The following DPYSL2 variants were observed in gnomAD, a reference collection of about 807,000 sequenced individuals.
The protein encoded by DPYSL2 is dihydropyrimidinase like 2.
DPYSL2 carries 13 observed loss-of-function variants against 69.9 expected under a neutral mutation model. The ratio of observed to expected loss-of-function variants is 0.19; its 90% CI spans 0.12 to 0.30. DPYSL2 has a LOEUF of 0.30. DPYSL2 is among the 10% of genes least tolerant of loss of function. The pLI is 1.00. For missense variants in DPYSL2, 587 were observed against 918.9 expected, an observed-to-expected ratio of 0.64 and a Z score of 4.67; for synonymous variants, 326 against 359.1, an observed-to-expected ratio of 0.91 and a Z score of 1.04.
chr8:26,655,623 A>G lies in DPYSL2; in HGVS notation c.1951A>G (p.Ile651Val), dbSNP rs764273577. Residue 651 changes from isoleucine (I) to valine (V), a missense_variant, in exon 14 of 14, where the codon ATT becomes GTT. Transcript: ENST00000521913. ...TTCTCCTCTCCCTCCAGGTGCTCAG[A>G]TTGATGACAACATTCCCCGCCGCAC... ...QSGFSLSGAQ[I>V]DDNIPRRTTQ... 2 of 1,608,460 alleles carry G rather than the reference A, an allele frequency of 1.2e-6. No homozygotes were observed. The highest frequency in any genetic ancestry group is 1.7e-6 in the Non-Finnish European group (2 of 1,177,228).
In DPYSL2 at chr8:26,582,104, C is replaced by G; in HGVS notation, c.443+47C>G. The stretch of plus-strand genomic sequence containing the variant: ...CAGATGTATTTGAACACTTTCCAGA[C>G]TTCCCAAGTATTAGATACCATTCGC... On this transcript the variant is annotated intron_variant, in intron 2 of 13. Transcript: ENST00000521913. This position sits in a 1 kb window ranked among gnomAD's most constrained non-coding sequence, Gnocchi z 4.1. The G allele has an allele frequency of 1.3e-6, 2 of 1,489,158 alleles. No homozygotes were observed. The highest frequency in any genetic ancestry group is 1.9e-6 in the Non-Finnish European group (2 of 1,070,578). The allele number at this position is 1,489,158 out of a possible 1,614,324, so 92.2% of individuals were successfully genotyped here. A position where few individuals can be genotyped will look rare whatever the true frequency, so the allele number is the denominator to read the frequency against.
chr8:26,577,901 T>C, intron 1 of DPYSL2: 5 of 1,148,658 alleles, frequency 4.4e-6, no homozygotes, highest in Non-Finnish European at 5.4e-6. Context: ...AGGGAGTGGC[T>C]GGCGGCGCAT....
rs373680428 is a variant in DPYSL2, at chr8:26,642,650, G to A, written c.1127-789G>A. ...AGGCACTAAGGTATTGGCATTCAGC[G>A]AATGTACATGAGTCTCAACTTTCTG... is the stretch of plus-strand genomic sequence containing the variant. On this transcript the variant is annotated intron_variant, in intron 8 of 13. Transcript: ENST00000521913. This position sits in a 1 kb window ranked among gnomAD's most constrained non-coding sequence, Gnocchi z 5.3. Among the ~76,000 whole-genome samples, 11 of 152,322 alleles carry A rather than the reference G, an allele frequency of 7.2e-5. No individual in the cohort carries two copies. The East Asian group carries it at 1.7e-3, about 24-fold the overall frequency.
chr8:26,589,355 C>CAAGG (rs1292881891), intron 3 of DPYSL2, among the ~76,000 whole-genome samples: 1 of 152,256 alleles, frequency 6.6e-6, no homozygotes, highest in Non-Finnish European at 1.5e-5. Context: ...GTGGTTCAAT[C>CAAGG]AAGGCCCCTC....
chr8:26,628,239 G>A (rs1802664443), intron 7 of DPYSL2, among the ~76,000 whole-genome samples: 1 of 152,232 alleles, frequency 6.6e-6, no homozygotes, highest in Admixed American at 6.5e-5. Flanking sequence ...ATCCTGCAAT[G>A]TAGATTTTAG....
rs932138578 is a variant in DPYSL2 at position 26,653,176 on chromosome 8, A to G, written c.1777-56A>G. 4.4e-6 allele frequency: 7 copies of G among 1,578,944 alleles called. No homozygotes were observed. The African/African-American group carries it at 8.1e-5, about 18-fold the overall frequency. ...CCATCCTCCCTCCAGGAGGGTTTCTAGAGAGGTATCCTCTGTGGCTGTGGC... is the reference window on the plus strand; with the variant it reads ...CCATCCTCCCTCCAGGAGGGTTTCTGGAGAGGTATCCTCTGTGGCTGTGGC... On this transcript the variant is annotated intron_variant, in intron 12 of 13. Coordinates refer to ENST00000521913, the MANE Select transcript of DPYSL2 (RefSeq NM_001197293.3). This position sits in a 1 kb window ranked among gnomAD's most constrained non-coding sequence, Gnocchi z 5.7.
At chr8:26,592,271 C>G (rs755868926) in intron 3 of DPYSL2, among the ~76,000 whole-genome samples, 1 of 152,124 alleles carries the variant, frequency 6.6e-6, no homozygotes, top group Non-Finnish European at 1.5e-5. Flanking sequence ...AAACAATCCT[C>G]TTGTCCCAGT....
intron 1 of DPYSL2, among the ~76,000 whole-genome samples, chr8:26,536,080 C>G (rs1265699779): frequency 2.0e-5 from 3 of 151,424 alleles, no homozygotes; most frequent in African/African-American, 7.3e-5. Context: ...TGCCACCATG[C>G]CCAGCTAATT....
At chr8:26,578,644 G>A in intron 1 of DPYSL2, 1 of 1,116,706 alleles carries the variant, frequency 9.0e-7, no homozygotes, top group Non-Finnish European at 1.1e-6. Context: ...CCTGGAGCTC[G>A]GATATTGTTC....
chr8:26,549,223 A>ATCATC (rs774099495), intron 1 of DPYSL2, among the ~76,000 whole-genome samples: 3,083 of 137,466 alleles, frequency 0.022, 39 homozygotes, highest in South Asian at 0.085. Context: ...TAATAATAAT[A>ATCATC]ATAATCAAAA....
At chr8:26,579,738 G>C (rs971014753) in intron 1 of DPYSL2, among the ~76,000 whole-genome samples, 1 of 152,116 alleles carries the variant, frequency 6.6e-6, no homozygotes, top group African/African-American at 2.4e-5. Context: ...CCAAAGGGCC[G>C]GGCACGGGGC....
chr8:26,523,765 A>G (rs1022072794), intron 1 of DPYSL2, among the ~76,000 whole-genome samples: 7 of 152,030 alleles, frequency 4.6e-5, no homozygotes, highest in Non-Finnish European at 7.4e-5. Flanking sequence ...GGCTCAAGCA[A>G]TCCTCCTGTC....
At chr8:26,572,786 A>T (rs1329577237) in intron 1 of DPYSL2, among the ~76,000 whole-genome samples, 1 of 152,164 alleles carries the variant, frequency 6.6e-6, no homozygotes, top group Admixed American at 6.5e-5. Flanking sequence ...GGCATGAGCT[A>T]CTGCGCCTGG....
In DPYSL2 at chr8:26,620,417, C is replaced by A. The variant is rs1802454503; in HGVS notation, c.629-3726C>A. Among the ~76,000 whole-genome samples, 1 of 151,982 alleles carries A rather than the reference C, an allele frequency of 6.6e-6. No homozygotes were observed. The highest frequency in any genetic ancestry group is 2.4e-5 in the African/African-American group (1 of 41,368). The stretch of plus-strand genomic sequence containing the variant: ...GATTACAGGCACCTGCCACCACACC[C>A]AGTTAATTTTGTATTTTTAGTAGAG... On this transcript the variant is annotated intron_variant, in intron 3 of 13. Coordinates refer to ENST00000521913, the MANE Select transcript of DPYSL2 (RefSeq NM_001197293.3). The surrounding 1 kb of genome is among the most constrained non-coding windows in gnomAD (Gnocchi z 4.5).
intron 1 of DPYSL2, among the ~76,000 whole-genome samples, chr8:26,520,313 C>T (rs1274790894): frequency 6.6e-6 from 1 of 152,124 alleles, no homozygotes; most frequent in Non-Finnish European, 1.5e-5. Context: ...CATAAAGCAA[C>T]CTACTAATGA....
chr8:26,540,092 C>T (rs969577897), intron 1 of DPYSL2, among the ~76,000 whole-genome samples: 5 of 152,110 alleles, frequency 3.3e-5, no homozygotes, highest in Non-Finnish European at 5.9e-5. Flanking sequence ...TAGTGAGCTA[C>T]AAGAGAACAC....
intron 3 of DPYSL2, among the ~76,000 whole-genome samples, chr8:26,615,907 C>T (rs1226314447): frequency 6.6e-6 from 1 of 152,150 alleles, no homozygotes; most frequent in Admixed American, 6.5e-5. Flanking sequence ...TTGGAGGCAC[C>T]TAAATACTAC....
At chr8:26,589,869 C>T (rs1191530783) in intron 3 of DPYSL2, among the ~76,000 whole-genome samples, 6 of 152,236 alleles carry the variant, frequency 3.9e-5, no homozygotes, top group Non-Finnish European at 8.8e-5. Flanking sequence ...CACAGTGGAC[C>T]CAGCAGTCAT....
chr8:26,615,689 T>C (rs2129869293), intron 3 of DPYSL2, among the ~76,000 whole-genome samples: 1 of 152,186 alleles, frequency 6.6e-6, no homozygotes, highest in East Asian at 1.9e-4. Context: ...ATTTGAACAG[T>C]GCCTCTTATA....
Sources: gnomAD v4.1 joint callset for allele counts (sites outside exome capture counted in the v4.1 genomes callset) on GRCh38, gnomAD v4.1.1 for gene constraint, Gnocchi (gnomAD v3.1) non-coding constraint, MANE v1.5 for transcripts, NCBI Gene and HGNC (gene_info 2026-07-23, HGNC 2026-07-21) for gene names.